PCCA: variants seen among roughly 807,000 people sequenced by gnomAD.
PCCA encodes propionyl-CoA carboxylase alpha chain, mitochondrial.
PCCA carries 74 observed loss-of-function variants against 101.3 expected under a neutral mutation model. The observed-to-expected ratio is 0.73, with a 90% confidence interval of 0.61 to 0.89. The LOEUF is 0.89. Among genes scored for constraint, PCCA ranks in the 40% least tolerant of loss-of-function variants. The probability of loss-of-function intolerance (pLI) is 0.00; values close to 1 mark genes in which losing one functional copy is unlikely to be tolerated. For missense variants in PCCA, 891 were observed against 907.0 expected (o/e 0.98, Z 0.23); for synonymous variants, 294 against 313.6 (o/e 0.94, Z 0.66).
At chr13:100,409,557 G>C (rs559172978) in intron 19 of PCCA, among the ~76,000 whole-genome samples, 1 of 152,210 alleles carries the variant, frequency 6.6e-6, no homozygotes, top group South Asian at 2.1e-4. Context: ...AGATGGTGAG[G>C]ACTTCCTGAG....
At chr13:100,308,577 C>T (rs539154070) in intron 15 of PCCA, among the ~76,000 whole-genome samples, 4 of 152,236 alleles carry the variant, frequency 2.6e-5, no homozygotes, top group Admixed American at 1.3e-4. Flanking sequence ...CCACCCGCCT[C>T]GGCCTCTCAA....
At chr13:100,434,085 C>T (rs1208992223) in intron 20 of PCCA, among the ~76,000 whole-genome samples, 1 of 152,170 alleles carries the variant, frequency 6.6e-6, no homozygotes, top group Non-Finnish European at 1.5e-5. Flanking sequence ...ATTTCTTCCT[C>T]CCAGGTATGG....
At chr13:100,528,972 C>T (rs1351771405) in intron 23 of PCCA, among the ~76,000 whole-genome samples, 1 of 152,106 alleles carries the variant, frequency 6.6e-6, no homozygotes, top group African/African-American at 2.4e-5. Context: ...GCAGAAATGA[C>T]CTTGGCCTCA....
chr13:100,288,494 A>G (rs779878643), intron 12 of PCCA, among the ~76,000 whole-genome samples: 1 of 152,152 alleles, frequency 6.6e-6, no homozygotes, highest in Non-Finnish European at 1.5e-5. Context: ...ACGAGGTTTC[A>G]CCATGTTGCC....
intron 14 of PCCA, among the ~76,000 whole-genome samples, chr13:100,305,519 A>G (rs2066378190): frequency 6.6e-6 from 1 of 152,252 alleles, no homozygotes; most frequent in Non-Finnish European, 1.5e-5. Flanking sequence ...AACTTGTATC[A>G]GTCTCGTTTG....
intron 9 of PCCA, among the ~76,000 whole-genome samples, chr13:100,258,104 A>G (rs2062199433): frequency 1.3e-5 from 2 of 152,256 alleles, no homozygotes; most frequent in African/African-American, 2.4e-5. Flanking sequence ...TTGCTAGTGC[A>G]TAAAAGTAGT....
intron 4 of PCCA, among the ~76,000 whole-genome samples, chr13:100,137,432 A>G (rs2051316543): frequency 6.6e-6 from 1 of 152,072 alleles, no homozygotes. Flanking sequence ...CTTTCTTTTG[A>G]GAGTCTTGAT....
rs1419584436 is a variant in PCCA, at chr13:100,307,272, T to A, written c.1353+12T>A. ...CTATGATTTCAAAAGTTAGTTTAATTTCTCAATGGATTATTTGATTTCTTC... is the reference window on the plus strand; with the variant it reads ...CTATGATTTCAAAAGTTAGTTTAATATCTCAATGGATTATTTGATTTCTTC... On this transcript the variant is annotated intron_variant, in intron 15 of 23. Transcript: ENST00000376285. The A allele has an allele frequency of 6.6e-7, 1 of 1,505,596 alleles. No homozygotes were observed. The highest frequency in any genetic ancestry group is 1.7e-5 in the Admixed American group (1 of 59,868). 93.3% of individuals were successfully genotyped at this position (1,505,596 alleles called of 1,614,324 possible).
intron 2 of PCCA, among the ~76,000 whole-genome samples, chr13:100,109,360 C>T (rs1423613283): frequency 1.3e-5 from 2 of 152,130 alleles, no homozygotes; most frequent in African/African-American, 4.8e-5. Context: ...TGCAGACTGA[C>T]TCGTAATGAC....
intron 21 of PCCA, among the ~76,000 whole-genome samples, chr13:100,466,875 A>C (rs1420229669): frequency 6.6e-6 from 1 of 152,118 alleles, no homozygotes. Context: ...AAAACAAAAC[A>C]AAACAAACAC....
intron 21 of PCCA, among the ~76,000 whole-genome samples, chr13:100,498,257 C>T (rs1226104659): frequency 2.7e-5 from 4 of 150,862 alleles, no homozygotes; most frequent in Non-Finnish European, 3.0e-5. Flanking sequence ...AAAAAATTAC[C>T]GATTTTTTTT....
rs371554144 is a variant in PCCA, at chr13:100,396,817, C to A, written c.1746+28243C>A. ...GGGAAGTAGTTATAGAGGTCATCAT[C>A]GTGTCTTGGTGATTCACTTTGGGAA... is the stretch of plus-strand genomic sequence containing the variant. On this transcript the variant is annotated intron_variant, in intron 19 of 23. Transcript: ENST00000376285. Among the ~76,000 whole-genome samples the A allele has an allele frequency of 3.3e-5, 5 of 152,242 alleles. No homozygotes were observed. The East Asian group carries it at 9.6e-4, about 29-fold the overall frequency.
At chr13:100,100,560 C>T (rs997131681) in intron 1 of PCCA, among the ~76,000 whole-genome samples, 2 of 152,088 alleles carry the variant, frequency 1.3e-5, no homozygotes, top group East Asian at 1.9e-4. Context: ...CTTCTTCAAA[C>T]GTTTTCCTTC....
At chr13:100,403,824 G>A (rs1290380369) in intron 19 of PCCA, among the ~76,000 whole-genome samples, 1 of 152,250 alleles carries the variant, frequency 6.6e-6, no homozygotes, top group Non-Finnish European at 1.5e-5. Flanking sequence ...AAGAGGAGGG[G>A]CCAGGTTCCT....
chr13:100,209,681 G>C (rs986921966), intron 7 of PCCA, among the ~76,000 whole-genome samples: 31 of 152,074 alleles, frequency 2.0e-4, no homozygotes, highest in African/African-American at 7.2e-4. Context: ...GCCCAGGCTG[G>C]AGTGCAATGA....
chr13:100,437,155 T>A (rs2079993311), intron 20 of PCCA, among the ~76,000 whole-genome samples: 1 of 152,220 alleles, frequency 6.6e-6, no homozygotes, highest in Admixed American at 6.5e-5. Flanking sequence ...TCTCAAAGGC[T>A]TGTGCATGCC....
At chr13:100,239,959 C>T (rs532425002) in intron 8 of PCCA, among the ~76,000 whole-genome samples, 19 of 152,204 alleles carry the variant, frequency 1.2e-4, no homozygotes, top group African/African-American at 4.6e-4. Flanking sequence ...GCCTCTTTTC[C>T]TCATCATCCT....
intron 21 of PCCA, chr13:100,480,255 A>C (rs2083782328): frequency 6.6e-6 from 1 of 152,164 alleles, no homozygotes; most frequent in Admixed American, 6.5e-5. Context: ...TGTAATTTCT[A>C]CTCACCCACA....
intron 2 of PCCA, among the ~76,000 whole-genome samples, chr13:100,104,214 T>A (rs1204425872): frequency 6.6e-6 from 1 of 152,206 alleles, no homozygotes; most frequent in Non-Finnish European, 1.5e-5. Flanking sequence ...CTGAATCATG[T>A]GCTGAAGTGC....
Sources: gnomAD v4.1 joint callset for allele counts (sites outside exome capture counted in the v4.1 genomes callset) on GRCh38, gnomAD v4.1.1 for gene constraint, MANE v1.5 for transcripts, NCBI Gene and HGNC (gene_info 2026-07-23, HGNC 2026-07-21) for gene names.